Variants in PCDHA10 observed in about 807,000 individuals in gnomAD.
PCDHA10 encodes the protein protocadherin alpha 10, also known as protocadherin alpha-10.
PCDHA10 carries 45 observed loss-of-function variants against 61.2 expected under a neutral mutation model. That is an observed-to-expected ratio of 0.74 (90% CI 0.58 to 0.94). The LOEUF (loss-of-function observed/expected upper bound fraction) is 0.94, where lower values mean the gene tolerates loss of function less well. Among genes scored for constraint, PCDHA10 ranks in the 40% least tolerant of loss-of-function variants. The probability of loss-of-function intolerance (pLI) is 0.00; values close to 1 mark genes in which losing one functional copy is unlikely to be tolerated. For synonymous variants in PCDHA10, 602 were observed against 548.8 expected (o/e 1.10, Z -1.35); for missense variants, 1,278 against 1,236.2 (o/e 1.03, Z -0.51).
At chr5:140,940,017 T>C (rs1418030283) in intron 1 of PCDHA10, among the ~76,000 whole-genome samples, 1 of 152,234 alleles carries the variant, frequency 6.6e-6, no homozygotes, top group Non-Finnish European at 1.5e-5. Flanking sequence ...TTTTGTGTCA[T>C]ATGTTTTAAG....
chr5:140,913,055 T>G (rs1554195719), intron 1 of PCDHA10, among the ~76,000 whole-genome samples: 2 of 152,184 alleles, frequency 1.3e-5, no homozygotes, highest in African/African-American at 4.8e-5. Context: ...GAGTTTTATT[T>G]TATTTTGATG....
intron 3 of PCDHA10, among the ~76,000 whole-genome samples, chr5:140,991,982 A>ACCAC (rs2097483325): frequency 6.6e-6 from 1 of 151,494 alleles, no homozygotes; most frequent in African/African-American, 2.4e-5. Context: ...TATTCTGCCT[A>ACCAC]CCACCCGGTC....
rs150205860 is a variant in PCDHA10 at position 140,883,142 on chromosome 5, G to T, written c.2388+24706G>T. The T allele has an allele frequency of 3.1e-6, 5 of 1,613,886 alleles. No individual in the cohort carries two copies. In the African/African-American group the frequency reaches 6.7e-5, roughly 22 times the overall value. On this transcript the variant is annotated intron_variant, in intron 1 of 3. Transcript: ENST00000307360. ...GCCTGTATGGCCTGCAGTGGTATAT[G>T]CATTTACCATAAATCCGAACAATGG...
At chr5:140,946,152 G>T (rs1279401608) in intron 1 of PCDHA10, among the ~76,000 whole-genome samples, 1 of 151,750 alleles carries the variant, frequency 6.6e-6, no homozygotes, top group Non-Finnish European at 1.5e-5. Flanking sequence ...CAAATAACAC[G>T]ATTTAAAAGA....
chr5:140,903,491 G>T (rs1253397353), intron 1 of PCDHA10, among the ~76,000 whole-genome samples: 4 of 152,094 alleles, frequency 2.6e-5, no homozygotes, highest in African/African-American at 9.7e-5. Flanking sequence ...GTTCTGAGCA[G>T]GTACCATAGA....
chr5:140,955,468 T>C (rs1394591179), intron 1 of PCDHA10, among the ~76,000 whole-genome samples: 1 of 152,116 alleles, frequency 6.6e-6, no homozygotes, highest in Non-Finnish European at 1.5e-5. Context: ...TCCTTTTTGC[T>C]TGGCACCTCT....
chr5:141,009,651 C>A lies in PCDHA10; in HGVS notation c.2561C>A (p.Pro854His). 1 of 1,613,950 alleles carries A rather than the reference C, an allele frequency of 6.2e-7. No individual in the cohort carries two copies. The highest frequency in any genetic ancestry group is 8.5e-7 in the Non-Finnish European group (1 of 1,179,936). Residue 854 changes from proline (P) to histidine (H), a missense_variant, in exon 4 of 4, where the codon CCT (proline) becomes CAT (histidine). By Grantham distance (77) the Pro-to-His change is moderately conservative. Coordinates refer to ENST00000307360, the MANE Select transcript of PCDHA10 (RefSeq NM_018901.4). Reference protein sequence around the residue: ...TPEPEAGEVSPPVGAGVNSNS... With the variant: ...TPEPEAGEVSHPVGAGVNSNS... ...GAACCAGAGGCAGGAGAAGTGTCCC[C>A]TCCAGTCGGTGCGGGTGTCAACAGC...
intron 1 of PCDHA10, chr5:140,928,218 A>G: frequency 6.2e-7 from 1 of 1,614,190 alleles, no homozygotes; most frequent in East Asian, 2.2e-5. Flanking sequence ...ATGACAATAC[A>G]CCAAACTTTC....
intron 1 of PCDHA10, among the ~76,000 whole-genome samples, chr5:140,961,560 AT>A (rs1223583703): frequency 1.4e-4 from 22 of 152,140 alleles, no homozygotes; most frequent in African/African-American, 4.6e-4. Flanking sequence ...CTTTTTTTAA[AT>A]TTTGTTTTGA....
intron 1 of PCDHA10, among the ~76,000 whole-genome samples, chr5:140,885,056 C>T (rs1554181973): frequency 6.6e-6 from 1 of 152,106 alleles, no homozygotes; most frequent in East Asian, 1.9e-4. Flanking sequence ...TATACATATA[C>T]CCACAAGATA....
intron 1 of PCDHA10, chr5:140,877,037 C>G: frequency 6.2e-7 from 1 of 1,612,492 alleles, no homozygotes; most frequent in Non-Finnish European, 8.5e-7. Flanking sequence ...GCGCTGCAGC[C>G]GCTAGACCAC....
chr5:140,967,858 G>C lies in PCDHA10; in HGVS notation c.2389-11091G>C, dbSNP rs2096190865. ...TGGACGTGAATGACAATGCCCCAGA[G>C]GTGGTGCTCACGGACCTGTATAGCC... On this transcript the variant is annotated intron_variant, in intron 1 of 3. Coordinates refer to ENST00000307360, the MANE Select transcript of PCDHA10 (RefSeq NM_018901.4). 6 of 1,614,166 alleles carry C rather than the reference G, an allele frequency of 3.7e-6. No homozygotes were observed. The East Asian group carries it at 1.3e-4, about 36-fold the overall frequency.
chr5:140,871,074 G>T (rs1210767724), intron 1 of PCDHA10: 10 of 1,613,214 alleles, frequency 6.2e-6, no homozygotes, highest in Middle Eastern at 3.3e-4. Context: ...GTGAGCCGGC[G>T]CTGACGGCCA....
intron 1 of PCDHA10, chr5:140,868,884 T>G (rs2050712940): frequency 1.4e-6 from 1 of 728,466 alleles, no homozygotes; most frequent in South Asian, 2.1e-5. Context: ...ACTCACAGTT[T>G]TAGGCGCAAG....
Position 140,857,792 on chromosome 5 carries a change from C to T in PCDHA10, c.1744C>T (p.Arg582Trp), listed in dbSNP as rs368399538. 21 of 1,597,428 alleles carry T rather than the reference C, an allele frequency of 1.3e-5. 1 individual carries two copies. In the African/African-American group the frequency reaches 2.6e-4, roughly 19 times the overall value. Residue 582 changes from arginine to tryptophan, a missense_variant, in exon 1 of 4, where the codon CGG becomes TGG. Arg to Trp is a moderately radical substitution (Grantham distance 101, BLOSUM62 -3). Coordinates refer to ENST00000307360, the MANE Select transcript of PCDHA10 (RefSeq NM_018901.4). ...CGGTGCAGTCAGTGAGCTGGTGCTGCGGTCGGTGGTTGCGGGTCACGTGGT... is the reference window on the plus strand; with the variant it reads ...CGGTGCAGTCAGTGAGCTGGTGCTGTGGTCGGTGGTTGCGGGTCACGTGGT... ...AGGAVSELVL[R>W]SVVAGHVVAK... is the part of the protein sequence containing the mutation.
chr5:140,884,518 C>G, intron 1 of PCDHA10: 2 of 1,614,054 alleles, frequency 1.2e-6, no homozygotes, highest in Non-Finnish European at 1.7e-6. Context: ...GTTGGTCGTA[C>G]TCGCAGCAGA....
rs2092672361 is a variant in PCDHA10, at chr5:140,940,726, G to A, written c.2389-38223G>A. On this transcript the variant is annotated intron_variant, in intron 1 of 3. Coordinates refer to ENST00000307360, the MANE Select transcript of PCDHA10 (RefSeq NM_018901.4). Reference sequence around the variant, plus strand: ...ATACCTGCTGTGTGCTGTTTCAGCTGGACAGCTCCATATTTTTATGTGTGC... The same window carrying A: ...ATACCTGCTGTGTGCTGTTTCAGCTAGACAGCTCCATATTTTTATGTGTGC... 3.9e-5 allele frequency among the ~76,000 whole-genome samples: 6 copies of A among 152,124 alleles called. No homozygotes were observed. The South Asian group carries it at 1.2e-3, about 31-fold the overall frequency.
chr5:140,900,226 G>A (rs1048533279), intron 1 of PCDHA10, among the ~76,000 whole-genome samples: 18 of 152,090 alleles, frequency 1.2e-4, no homozygotes, highest in Admixed American at 1.1e-3. Flanking sequence ...GCAAATGACT[G>A]GATCTTGTTT....
At chr5:140,867,604 A>C (rs1420460822) in intron 1 of PCDHA10, 1 of 152,164 alleles carries the variant, frequency 6.6e-6, no homozygotes, top group Non-Finnish European at 1.5e-5. Flanking sequence ...GAGATAAACC[A>C]TCAAAACTAT....
Sources: gnomAD v4.1 joint callset for allele counts (sites outside exome capture counted in the v4.1 genomes callset) on GRCh38, gnomAD v4.1.1 for gene constraint, MANE v1.5 for transcripts, NCBI Gene and HGNC (gene_info 2026-07-23, HGNC 2026-07-21) for gene names.